Variants in CDH18 observed in about 807,000 individuals in gnomAD.
CDH18 encodes cadherin 18.
CDH18 carries 31 observed loss-of-function variants against 67.9 expected under a neutral mutation model. The ratio of observed to expected loss-of-function variants is 0.46; its 90% CI spans 0.34 to 0.62. CDH18 has a LOEUF of 0.62. CDH18 is among the 20% of genes least tolerant of loss of function. The pLI, the probability that CDH18 is intolerant of heterozygous loss-of-function variation, is 0.01. For synonymous variants in CDH18, 362 were observed against 347.2 expected, an observed-to-expected ratio of 1.04 and a Z score of -0.48; for missense variants, 890 against 975.5, an observed-to-expected ratio of 0.91 and a Z score of 1.17.
chr5:20,268,832 G>T (rs1362707422), intron 1 of CDH18, among the ~76,000 whole-genome samples: 1 of 152,142 alleles, frequency 6.6e-6, no homozygotes, highest in Non-Finnish European at 1.5e-5. Context: ...ACAAATTTAT[G>T]ACTAAGACTG....
chr5:19,788,186 G>A (rs1776012719), intron 3 of CDH18, among the ~76,000 whole-genome samples: 1 of 152,052 alleles, frequency 6.6e-6, no homozygotes, highest in Admixed American at 6.6e-5. Context: ...TATTATTAAG[G>A]TGCTGAGAAC....
intron 4 of CDH18, among the ~76,000 whole-genome samples, chr5:19,741,290 C>T (rs1301651954): frequency 2.2e-5 from 3 of 136,466 alleles, no homozygotes; most frequent in African/African-American, 7.9e-5. Context: ...TGTATATATA[C>T]ATACATATAT....
chr5:20,123,037 T>C (rs1748496730), intron 2 of CDH18, among the ~76,000 whole-genome samples: 1 of 148,382 alleles, frequency 6.7e-6, no homozygotes, highest in Non-Finnish European at 1.5e-5. Flanking sequence ...TATAAATATA[T>C]AAATGTATTA....
intron 2 of CDH18, among the ~76,000 whole-genome samples, chr5:20,253,609 G>A (rs1029156120): frequency 6.6e-6 from 1 of 152,102 alleles, no homozygotes; most frequent in African/African-American, 2.4e-5. Flanking sequence ...AACATAATCA[G>A]AAGAATTAAC....
At chr5:19,656,642 GCAAA>G (rs1191503315) in intron 5 of CDH18, among the ~76,000 whole-genome samples, 1 of 152,000 alleles carries the variant, frequency 6.6e-6, no homozygotes, top group African/African-American at 2.4e-5. Context: ...GTGCAAACAA[GCAAA>G]CAAAGAAAAA....
rs190946635 is a variant in CDH18, at chr5:20,428,323, G to A, written c.-580+147139C>T. Among the ~76,000 whole-genome samples, 409 of 144,610 alleles carry A rather than the reference G, an allele frequency of 2.8e-3. 16 individuals are homozygous for A. In the South Asian group the frequency reaches 0.05, roughly 18 times the overall value. The allele number at this position is 144,610 out of a possible 152,430, so 94.9% of individuals were successfully genotyped here. On this transcript the variant is annotated intron_variant, in intron 1 of 14. Coordinates refer to the CDH18 transcript ENST00000507958. ...GTATTCCATGGTGTATATGTGCCAC[G>A]TTTTCTTTATCCAGTCTATCATTGA...
At chr5:19,605,492 A>C (rs533012135) in intron 6 of CDH18, among the ~76,000 whole-genome samples, 1 of 152,174 alleles carries the variant, frequency 6.6e-6, no homozygotes, top group South Asian at 2.1e-4. Context: ...ATTTAGCCAC[A>C]TAGAATACAA....
intron 3 of CDH18, among the ~76,000 whole-genome samples, chr5:19,790,750 C>A (rs62353659): frequency 6.6e-6 from 1 of 151,982 alleles, no homozygotes; most frequent in African/African-American, 2.4e-5. Flanking sequence ...AGAGTTTATA[C>A]GGTGCACAGG....
intron 1 of CDH18, among the ~76,000 whole-genome samples, chr5:20,469,700 A>C (rs1751915023): frequency 6.6e-6 from 1 of 152,068 alleles, no homozygotes; most frequent in South Asian, 2.1e-4. Flanking sequence ...CCTGGTCTTC[A>C]TTGCTCCCTC....
chr5:20,566,652 A>C (rs954592512), intron 1 of CDH18, among the ~76,000 whole-genome samples: 6 of 151,218 alleles, frequency 4.0e-5, no homozygotes, highest in African/African-American at 1.5e-4. Flanking sequence ...TGGGATTACA[A>C]GTGTGAGCCA....
At chr5:19,498,584 G>A (rs572514519) in intron 11 of CDH18, among the ~76,000 whole-genome samples, 1 of 152,088 alleles carries the variant, frequency 6.6e-6, no homozygotes, top group African/African-American at 2.4e-5. Flanking sequence ...AGTTAGTTTC[G>A]CTATCTTCCA....
chr5:19,806,530 A>G (rs889188712), intron 3 of CDH18, among the ~76,000 whole-genome samples: 2 of 152,200 alleles, frequency 1.3e-5, no homozygotes, highest in Admixed American at 6.5e-5. Context: ...GGATTTACCA[A>G]TGTCAAAGAT....
intron 2 of CDH18, among the ~76,000 whole-genome samples, chr5:20,120,208 C>A (rs1026614993): frequency 5.9e-5 from 9 of 152,006 alleles, no homozygotes; most frequent in Admixed American, 1.3e-4. Context: ...TTAATTATGA[C>A]AAAGTGATAG....
intron 5 of CDH18, among the ~76,000 whole-genome samples, chr5:19,701,262 T>C (rs1763212654): frequency 1.3e-5 from 2 of 152,288 alleles, no homozygotes; most frequent in South Asian, 4.1e-4. Flanking sequence ...TGTATATATC[T>C]CCTGAAAAAG....
At chr5:19,741,195 T>TATGTATATATGTCATATATGTATATATAC (rs1554020198) in intron 4 of CDH18, among the ~76,000 whole-genome samples, 117 of 149,576 alleles carry the variant, frequency 7.8e-4, no homozygotes, top group African/African-American at 1.6e-3. Flanking sequence ...TCTATGTATA[T>TATGTATATATGTCATATATGTATATATAC]ATGTATATAT....
chr5:19,910,466 A>G (rs968155278), intron 2 of CDH18, among the ~76,000 whole-genome samples: 2 of 152,180 alleles, frequency 1.3e-5, no homozygotes, highest in African/African-American at 4.8e-5. Context: ...ATTTAGCTCT[A>G]TTCAGTTGTA....
chr5:20,147,368 A>G (rs1750727698), intron 2 of CDH18, among the ~76,000 whole-genome samples: 1 of 152,182 alleles, frequency 6.6e-6, no homozygotes, highest in African/African-American at 2.4e-5. Context: ...AATTAATTCC[A>G]TTCTTATACC....
chr5:20,233,731 T>A (rs1355894699), intron 2 of CDH18, among the ~76,000 whole-genome samples: 2 of 152,154 alleles, frequency 1.3e-5, no homozygotes, highest in Non-Finnish European at 2.9e-5. Flanking sequence ...TGTTATCATA[T>A]CTGTTGGTAT....
At chr5:19,892,724 A>G (rs1480339963) in intron 2 of CDH18, among the ~76,000 whole-genome samples, 6 of 152,100 alleles carry the variant, frequency 3.9e-5, no homozygotes, top group Non-Finnish European at 8.8e-5. Flanking sequence ...AGAGGCCCAG[A>G]TAGAAAGGTA....
Sources: gnomAD v4.1 joint callset for allele counts (sites outside exome capture counted in the v4.1 genomes callset) on GRCh38, gnomAD v4.1.1 for gene constraint, MANE v1.5 for transcripts, NCBI Gene and HGNC (gene_info 2026-07-23, HGNC 2026-07-21) for gene names.